Variants in CMIP observed in about 807,000 individuals in gnomAD.
CMIP encodes the protein C-Maf-inducing protein.
Under a neutral mutation model 97.3 loss-of-function variants are expected in CMIP, and 13 were observed. That is an observed-to-expected ratio of 0.13 (90% confidence interval 0.09 to 0.21). The LOEUF (loss-of-function observed/expected upper bound fraction) is 0.21. CMIP is among the 10% of genes least tolerant of loss of function. The probability of loss-of-function intolerance (pLI) is 1.00; values close to 1 mark genes in which losing one functional copy is unlikely to be tolerated. For synonymous variants in CMIP, 538 were observed against 436.3 expected (o/e 1.23, Z -2.91); for missense variants, 847 against 1,024.9 (o/e 0.83, Z 2.37).
chr16:81,628,696 C>A (rs1304666154), intron 3 of CMIP, among the ~76,000 whole-genome samples: 1 of 152,152 alleles, frequency 6.6e-6, no homozygotes, highest in East Asian at 1.9e-4. Context: ...TACCCAGACA[C>A]TTCTCACACC....
chr16:81,508,586 C>G (rs1289809091), intron 1 of CMIP, among the ~76,000 whole-genome samples: 1 of 152,170 alleles, frequency 6.6e-6, no homozygotes, highest in African/African-American at 2.4e-5. Context: ...ATCTTTGAGA[C>G]AAATGCAAAA....
At position 81,607,795 on chromosome 16, in the gene CMIP, G is replaced by T. The variant is rs1878932927; in HGVS notation, c.426+103G>T. 2.8e-5 allele frequency: 37 copies of T among 1,301,084 alleles called. No homozygotes were observed. The South Asian group carries it at 5.1e-4, about 18-fold the overall frequency. 80.6% of individuals were successfully genotyped at this position (1,301,084 alleles called of 1,614,324 possible). A position where few individuals can be genotyped will look rare whatever the true frequency, so the allele number is the denominator to read the frequency against. ...GAGCCAGCAGCTATCAAGAGGAAAG[G>T]TTGTTTAACTTTGGGTGATTTTATT... On this transcript the variant is annotated intron_variant, in intron 2 of 20. Transcript: ENST00000537098.
chr16:81,476,684 C>A (rs574867773), intron 1 of CMIP, among the ~76,000 whole-genome samples: 3 of 152,130 alleles, frequency 2.0e-5, no homozygotes, highest in Non-Finnish European at 4.4e-5. Context: ...ATGAAGAAGC[C>A]GTGGCATATT....
chr16:81,459,362 T>TGCGCTGTGACCCC (rs1174675935), intron 1 of CMIP, among the ~76,000 whole-genome samples: 5 of 152,080 alleles, frequency 3.3e-5, no homozygotes, highest in South Asian at 2.1e-4. Flanking sequence ...GCTGTGACCC[T>TGCGCTGTGACCCC]GCGCTGTGAC....
intron 1 of CMIP, among the ~76,000 whole-genome samples, 155 bp downstream of exon 1, chr16:81,445,696 C>T (rs1289585403): frequency 6.6e-6 from 1 of 152,136 alleles, no homozygotes; most frequent in Non-Finnish European, 1.5e-5. Context: ...TCGCTCCTGG[C>T]CTGCTCGCGG....
chr16:81,524,789 TTTTC>T (rs2090096603), intron 1 of CMIP, among the ~76,000 whole-genome samples: 1 of 151,636 alleles, frequency 6.6e-6, no homozygotes, highest in African/African-American at 2.4e-5. Flanking sequence ...TTTTTATTTC[TTTTC>T]TTTCTTTTTT....
At chr16:81,615,135 A>T (rs61720775) in intron 2 of CMIP, among the ~76,000 whole-genome samples, 3,524 of 139,472 alleles carry the variant, frequency 0.025, 138 homozygotes, top group African/African-American at 0.089. Context: ...GTGTGTATGT[A>T]TGTCTGTGTG....
chr16:81,534,826 T>C (rs539101750), intron 1 of CMIP, among the ~76,000 whole-genome samples: 8 of 152,252 alleles, frequency 5.3e-5, no homozygotes, highest in Non-Finnish European at 1.2e-4. Flanking sequence ...CTTTAAAATA[T>C]TGCTATTATC....
intron 1 of CMIP, among the ~76,000 whole-genome samples, chr16:81,458,986 C>T (rs1405232753): frequency 6.6e-6 from 1 of 152,112 alleles, no homozygotes; most frequent in Non-Finnish European, 1.5e-5. Context: ...TCTCCGCTGT[C>T]ACCATCACTG....
At position 81,627,527 on chromosome 16, in the gene CMIP, C is replaced by G. The variant is rs1383920746; in HGVS notation, c.477+6601C>G. 6.6e-6 allele frequency among the ~76,000 whole-genome samples: 1 copy of G among 152,024 alleles called. No homozygotes were observed. The highest frequency in any genetic ancestry group is 1.5e-5 in the Non-Finnish European group (1 of 67,974). On this transcript the variant is annotated intron_variant, in intron 3 of 20. Coordinates refer to ENST00000537098, the MANE Select transcript of CMIP (RefSeq NM_198390.3). The surrounding 1 kb of genome is among the most constrained non-coding windows in gnomAD (Gnocchi z 4.6). Reference sequence around the variant, plus strand: ...GCCCCTTCCAGCCTCCACAGGTGGTCCCGGCTGACTCATGGCCTGGGAGGG... The same window carrying G: ...GCCCCTTCCAGCCTCCACAGGTGGTGCCGGCTGACTCATGGCCTGGGAGGG...
chr16:81,528,445 C>T (rs556602741), intron 1 of CMIP, among the ~76,000 whole-genome samples: 13 of 152,306 alleles, frequency 8.5e-5, no homozygotes, highest in Middle Eastern at 3.4e-3. Context: ...TGAAGCTGTG[C>T]TCATGCATTG....
At chr16:81,645,480 C>G in intron 3 of CMIP, 2 of 1,533,512 alleles carry the variant, frequency 1.3e-6, no homozygotes, top group Non-Finnish European at 1.7e-6. Context: ...GGGCACATTC[C>G]TGCTGACGAC....
chr16:81,636,137 T>C (rs888283145), intron 3 of CMIP, among the ~76,000 whole-genome samples: 20 of 151,976 alleles, frequency 1.3e-4, no homozygotes, highest in African/African-American at 4.8e-4. Context: ...ATGATACAGG[T>C]GTGCGGGCCA....
intron 1 of CMIP, among the ~76,000 whole-genome samples, chr16:81,486,160 C>T (rs2089310738): frequency 6.6e-6 from 1 of 152,232 alleles, no homozygotes; most frequent in Non-Finnish European, 1.5e-5. Context: ...GTCAGACTCA[C>T]ATGAACGGGC....
At chr16:81,571,637 C>T (rs930236540) in intron 1 of CMIP, among the ~76,000 whole-genome samples, 29 of 151,206 alleles carry the variant, frequency 1.9e-4, no homozygotes, top group African/African-American at 6.6e-4. Context: ...AAAAAAAAGG[C>T]CTTCCAAAGA....
Position 81,701,743 on chromosome 16 carries a change from C to G in CMIP, c.1839C>G (p.Asp613Glu), listed in dbSNP as rs201360947. The G allele has an allele frequency of 6.2e-6, 10 of 1,613,732 alleles. No homozygotes were observed. Among genetic ancestry groups the G allele is most frequent in the East Asian group, 2.2e-5 (1 of 44,892 alleles). The change falls in exon 16 of 21, where the codon GAC becomes GAG. Residue 613 changes from aspartate (D) to glutamate (E), a missense_variant. By Grantham distance (45) the Asp-to-Glu change is conservative. Coordinates refer to ENST00000537098, the MANE Select transcript of CMIP (RefSeq NM_198390.3). ...TCATCTCAACCCTGGAGAGCACAGA[C>G]GTGGGGAAGCGCATGTACGAGCAGC... ...LQIISTLEST[D>E]VGKRMYEQLC...
intron 1 of CMIP, among the ~76,000 whole-genome samples, chr16:81,472,972 C>G (rs1027001576): frequency 6.6e-6 from 1 of 152,172 alleles, no homozygotes; most frequent in Admixed American, 6.5e-5. Context: ...CCTGAAGGTG[C>G]GAGGAGAGCC....
chr16:81,551,456 C>G (rs1288661965), intron 1 of CMIP, among the ~76,000 whole-genome samples: 1 of 152,192 alleles, frequency 6.6e-6, no homozygotes, highest in African/African-American at 2.4e-5. Flanking sequence ...TGGGACCTGG[C>G]TGAGAAGCAG....
intron 1 of CMIP, among the ~76,000 whole-genome samples, chr16:81,552,902 G>A (rs1415207875): frequency 6.6e-6 from 1 of 152,164 alleles, no homozygotes; most frequent in South Asian, 2.1e-4. Context: ...CTGTCCTCAT[G>A]GAGCTGCCAG....
Sources: gnomAD v4.1 joint callset for allele counts (sites outside exome capture counted in the v4.1 genomes callset) on GRCh38, gnomAD v4.1.1 for gene constraint, Gnocchi (gnomAD v3.1) non-coding constraint, MANE v1.5 for transcripts, NCBI Gene and HGNC (gene_info 2026-07-23, HGNC 2026-07-21) for gene names.